Variants in FLG observed in about 807,000 individuals in gnomAD.
FLG encodes epidermal filaggrin.
Under a neutral mutation model 3.8 loss-of-function variants are expected in FLG, and 6 were observed. That is an observed-to-expected ratio of 1.60 (90% confidence interval 0.87 to 3.15). The LOEUF (loss-of-function observed/expected upper bound fraction) is 3.15. Ranked by LOEUF, FLG falls within the 30% of genes most tolerant of loss-of-function variation. FLG has a pLI of 0.00. For synonymous variants in FLG, 2,551 were observed against 1,931.6 expected (o/e 1.32, Z -8.41); for missense variants, 7,595 against 5,050.9 (o/e 1.50, Z -15.27).
chr1:152,308,021 T>C lies in FLG; in HGVS notation c.6865A>G (p.Arg2289Gly). The C allele has an allele frequency of 3.7e-6, 6 of 1,614,228 alleles. No individual in the cohort carries two copies. Among genetic ancestry groups the C allele is most frequent in the Non-Finnish European group, 5.1e-6 (6 of 1,180,030 alleles). The change falls in exon 3 of 3, where the codon AGA becomes GGA. Residue 2289 changes from arginine (R) to glycine (G), a missense_variant. Arg to Gly is a moderately radical substitution (Grantham distance 125). Coordinates refer to ENST00000368799, the MANE Select transcript of FLG (RefSeq NM_002016.2). Reference protein sequence around the residue: ...SRHPRSHHEDRAGHGHSAESS... With the variant: ...SRHPRSHHEDGAGHGHSAESS... Reference sequence around the variant, plus strand: ...TCTGCAGAGTGCCCATGACCGGCTCTGTCTTCGTGATGGGACCTGGGGTGT... The same window carrying C: ...TCTGCAGAGTGCCCATGACCGGCTCCGTCTTCGTGATGGGACCTGGGGTGT...
At chr1:152,314,962 G>A (rs529787677) in intron 2 of FLG, 2 of 559,668 alleles carry the variant, frequency 3.6e-6, no homozygotes, top group Non-Finnish European at 6.2e-6. Flanking sequence ...GATGGGGTAA[G>A]TGACTCTTTT....
At chr1:152,316,414 T>A (rs2101655116) in intron 1 of FLG, among the ~76,000 whole-genome samples, 1 of 151,300 alleles carries the variant, frequency 6.6e-6, no homozygotes, top group African/African-American at 2.4e-5. Flanking sequence ...CTTTAATAAT[T>A]CAACAGAAGC....
chr1:152,312,221 A>T lies in FLG; in HGVS notation c.2665T>A (p.Ser889Thr). 6.2e-7 allele frequency: 1 copy of T among 1,612,852 alleles called. No homozygotes were observed. Among genetic ancestry groups the T allele is most frequent in the Non-Finnish European group, 8.5e-7 (1 of 1,179,772 alleles). ...CGTGTTGTTCTGCTTGCACTTCTGGATCCTGACTGCCCACGGGAGGCATCA... is the reference window on the plus strand; with the variant it reads ...CGTGTTGTTCTGCTTGCACTTCTGGTTCCTGACTGCCCACGGGAGGCATCA... ...RSDASRGQSG[S>T]RSASRTTRNE... Residue 889 changes from serine to threonine, a missense_variant, in exon 3 of 3, where the codon TCC (serine) becomes ACC (threonine). By Grantham distance (58) the Ser-to-Thr change is moderately conservative. Coordinates refer to ENST00000368799, the MANE Select transcript of FLG (RefSeq NM_002016.2).
rs748562944 is a variant in FLG, at chr1:152,312,156, C to G, written c.2730G>C (p.Gly910=). The G allele has an allele frequency of 6.2e-7, 1 of 1,613,850 alleles. No homozygotes were observed. The highest frequency in any genetic ancestry group is 1.7e-5 in the Admixed American group (1 of 60,006). Residue 910 remains glycine (G), a synonymous_variant, in exon 3 of 3, where the codon GGG becomes GGC. Transcript: ENST00000368799. ...EQSRDGSRHS[G]SRHHEASSHA... ...GAGAGGAAGCTTCATGGTGACGTGA[C>G]CCTGAGTGCCTGGAGCCGTCTCTTG... is the stretch of plus-strand genomic sequence containing the variant.
chr1:152,302,842 C>T lies in FLG; in HGVS notation c.12044G>A (p.Cys4015Tyr), dbSNP rs766276866. 1.1e-5 allele frequency: 18 copies of T among 1,614,074 alleles called. No individual in the cohort carries two copies. In the South Asian group the frequency reaches 2.0e-4, roughly 18 times the overall value. The change falls in exon 3 of 3, where the codon TGT (cysteine) becomes TAT (tyrosine). Residue 4015 changes from cysteine (C) to tyrosine (Y), a missense_variant. By Grantham distance (194) the Cys-to-Tyr change is radical (BLOSUM62 -2). Transcript: ENST00000368799. ...PVVFKERSDI[C>Y]KASAFGKDHP... Reference sequence around the variant, plus strand: ...ATCTTTACCAAACGCACTTGCTTTACAGATATCAGATCTTTCCTTGAAAAC... The same window carrying T: ...ATCTTTACCAAACGCACTTGCTTTATAGATATCAGATCTTTCCTTGAAAAC...
chr1:152,312,379 T>C lies in FLG; in HGVS notation c.2507A>G (p.Asp836Gly), dbSNP rs769461281. 1.2e-6 allele frequency: 2 copies of C among 1,612,392 alleles called. No homozygotes were observed. The highest frequency in any genetic ancestry group is 2.2e-5 in the South Asian group (2 of 90,958). ...GTGTCCACGAATGGTGTCCTGACCA[T>C]CTTGGGATGCTGAGTGCCTGGAGTT... is the stretch of plus-strand genomic sequence containing the variant. ...RDNSRHSASQ[D>G]GQDTIRGHPG... is the part of the protein sequence containing the mutation. Residue 836 changes from aspartate to glycine, a missense_variant, in exon 3 of 3, where the codon GAT becomes GGT. By Grantham distance (94) the Asp-to-Gly change is moderately conservative. Transcript: ENST00000368799.
At position 152,314,101 on chromosome 1, in the gene FLG, G is replaced by T. The variant is rs1652669311; in HGVS notation, c.785C>A (p.Ser262Ter). The change falls in exon 3 of 3, where the codon TCA becomes TAA. Residue 262 changes from serine to a stop codon, truncating the protein, a stop_gained. Coordinates refer to ENST00000368799, the MANE Select transcript of FLG (RefSeq NM_002016.2). LOFTEE classifies it low-confidence loss of function (END_TRUNC). ...EENKIYERSR[S>*]SDGKSSSQVN... ...TTGAGATGATGATTTGCCATCAGAT[G>T]ACCTTGATCTTTCATATATTTTGTT... The T allele has an allele frequency of 6.2e-7, 1 of 1,614,088 alleles. No individual in the cohort carries two copies. Among genetic ancestry groups the T allele is most frequent in the African/African-American group, 1.3e-5 (1 of 75,042 alleles).
Position 152,315,276 on chromosome 1 carries a change from GAAA to G in FLG, c.138+40_138+42del, listed in dbSNP as rs112911800. The G allele has an allele frequency of 0.011, 16,861 of 1,599,698 alleles. 1,483 individuals are homozygous for G. In the African/African-American group the frequency reaches 0.2, roughly 19 times the overall value. ...TAACCCTTGCTTAGATTATTGATGA[GAAA>G]AACAAATGCTCTATCTTTGGTCTTG... On this transcript the variant is annotated intron_variant, in intron 2 of 2. Transcript: ENST00000368799.
In FLG at chr1:152,310,801, T is replaced by C. The variant is rs1320603582; in HGVS notation, c.4085A>G (p.Gln1362Arg). 1.2e-6 allele frequency: 2 copies of C among 1,611,920 alleles called. No individual in the cohort carries two copies. The highest frequency in any genetic ancestry group is 1.7e-6 in the Non-Finnish European group (2 of 1,179,112). The change falls in exon 3 of 3, where the codon CAG (glutamine) becomes CGG (arginine). Residue 1362 changes from glutamine (Q) to arginine (R), a missense_variant. Coordinates refer to ENST00000368799, the MANE Select transcript of FLG (RefSeq NM_002016.2). ...SPGERHGSRH[Q>R]QSADSSRHSG... ...GTGTCTGGAGCTGTCTGCTGACTGC[T>C]GGTGGCGGGATCCATGTCTTTCTCC...
intron 1 of FLG, among the ~76,000 whole-genome samples, chr1:152,319,468 G>A (rs1652886440): frequency 6.6e-6 from 1 of 151,160 alleles, no homozygotes; most frequent in East Asian, 1.9e-4. Context: ...AGATATCAAG[G>A]TACAGGTTCA....
At chr1:152,316,043 G>A in intron 1 of FLG, among the ~76,000 whole-genome samples, 1 of 152,186 alleles carries the variant, frequency 6.6e-6, no homozygotes, top group East Asian at 1.9e-4. Flanking sequence ...AAAGAGAAAG[G>A]TTTTTCTGAC....
Position 152,304,072 on chromosome 1 carries a change from T to G in FLG, c.10814A>C (p.Asn3605Thr), listed in dbSNP as rs77674897. The G allele has an allele frequency of 2.3e-4, 365 of 1,612,140 alleles. No homozygotes were observed. Among genetic ancestry groups the G allele is most frequent in the Non-Finnish European group, 2.9e-4 (340 of 1,179,672 alleles). Residue 3605 changes from asparagine to threonine, a missense_variant, in exon 3 of 3, where the codon AAT becomes ACT. Asn to Thr is a moderately conservative substitution (Grantham distance 65, BLOSUM62 0). Transcript: ENST00000368799. The part of the protein sequence containing the change: ...SRQSGTHHAE[N>T]SSGGQAASSH... ...TGATGCAGCCTGTCCACCAGAGGAA[T>G]TCTCTGCATGATGAGTGCCTGATTG...
At position 152,305,649 on chromosome 1, in the gene FLG, C is replaced by T. The variant is rs767263644; in HGVS notation, c.9237G>A (p.Thr3079=). The part of the protein sequence containing the change: ...HEQSESSHGW[T]GPSTRGRQGS... ...CTTGTCTTCCTCTAGTGCTGGGCCC[C>T]GTCCATCCATGGGAGGACTCAGACT... Residue 3079 remains threonine, a synonymous_variant, in exon 3 of 3, where the codon ACG becomes ACA. Coordinates refer to ENST00000368799, the MANE Select transcript of FLG (RefSeq NM_002016.2). The T allele has an allele frequency of 2.4e-5, 35 of 1,442,740 alleles. 3 individuals are homozygous for T. The highest frequency in any genetic ancestry group is 2.3e-4 in the South Asian group (18 of 77,590). The allele number at this position is 1,442,740 out of a possible 1,614,324, so 89.4% of individuals were successfully genotyped here.
intron 1 of FLG, among the ~76,000 whole-genome samples, chr1:152,322,092 A>ATT (rs1557885526): frequency 2.0e-5 from 3 of 151,254 alleles, no homozygotes; most frequent in African/African-American, 7.2e-5. Context: ...ATTAATTCTG[A>ATT]TTAATAAATA....
rs199804319 is a variant in FLG, at chr1:152,303,591, C to A, written c.11295G>T (p.Arg3765Ser). ...QDTIRGHPGS[R>S]RGGRQGSYHE... Reference sequence around the variant, plus strand: ...GGTAGGATCCCTGTCTTCCTCCTCTCCTTGACCCCGGGTGTCCACGAATGG... The same window carrying A: ...GGTAGGATCCCTGTCTTCCTCCTCTACTTGACCCCGGGTGTCCACGAATGG... Residue 3765 changes from arginine to serine, a missense_variant, in exon 3 of 3, where the codon AGG (arginine) becomes AGT (serine). Transcript: ENST00000368799. 2 of 1,613,744 alleles carry A rather than the reference C, an allele frequency of 1.2e-6. No homozygotes were observed. The highest frequency in any genetic ancestry group is 1.7e-6 in the Non-Finnish European group (2 of 1,179,936).
In FLG at chr1:152,307,377, G is replaced by A. The variant is rs1246178357; in HGVS notation, c.7509C>T (p.Ala2503=). The A allele has an allele frequency of 1.2e-6, 2 of 1,613,220 alleles. No homozygotes were observed. The highest frequency in any genetic ancestry group is 8.5e-7 in the Non-Finnish European group (1 of 1,179,708). ...SHTTSQGRSD[A]SHGHSGSRSA... is the part of the protein sequence containing the mutation. ...TTCTGGATCCTGAGTGCCCATGGGA[G>A]GCATCAGACCTTCCCTGGGATGTGG... The change falls in exon 3 of 3, where the codon GCC becomes GCT. Residue 2503 remains alanine, a synonymous_variant. Coordinates refer to ENST00000368799, the MANE Select transcript of FLG (RefSeq NM_002016.2).
In FLG at chr1:152,311,234, T is replaced by C; in HGVS notation, c.3652A>G (p.Arg1218Gly). 32 of 1,613,906 alleles carry C rather than the reference T, an allele frequency of 2.0e-5. No individual in the cohort carries two copies. Among genetic ancestry groups the C allele is most frequent in the Non-Finnish European group, 2.5e-5 (30 of 1,179,970 alleles). ...HGQSGSRSAS[R>G]QTRKDKQSGD... ...GATTGTTTGTCCTTACGAGTTTGTC[T>C]GCTTGCACTTCTGGATCCTGACTGC... The change falls in exon 3 of 3, where the codon AGA becomes GGA. Residue 1218 changes from arginine (R) to glycine (G), a missense_variant. Arg to Gly is a moderately radical substitution (Grantham distance 125). Coordinates refer to ENST00000368799, the MANE Select transcript of FLG (RefSeq NM_002016.2).
rs114038120 is a variant in FLG at position 152,302,291 on chromosome 1, G to A, written c.*409C>T. Reference sequence around the variant, plus strand: ...AAGGATAATAGAGAAAGATGTGCTAGCCCTGATGTTGATATAGCCACTTTG... The same window carrying A: ...AAGGATAATAGAGAAAGATGTGCTAACCCTGATGTTGATATAGCCACTTTG... On this transcript the variant is annotated 3_prime_UTR_variant, in exon 3 of 3. Coordinates refer to ENST00000368799, the MANE Select transcript of FLG (RefSeq NM_002016.2). 270 of 210,022 alleles carry A rather than the reference G, an allele frequency of 1.3e-3. No individual in the cohort carries two copies. Among genetic ancestry groups the A allele is most frequent in the South Asian group, 2.2e-3 (28 of 12,542 alleles). The allele number at this position is 210,022 out of a possible 1,614,324, so 13.0% of individuals were successfully genotyped here. A position where few individuals can be genotyped will look rare whatever the true frequency, so the allele number is the denominator to read the frequency against.
rs761659938 is a variant in FLG at position 152,305,234 on chromosome 1, C to T, written c.9652G>A (p.Asp3218Asn). The T allele has an allele frequency of 1.9e-6, 3 of 1,613,254 alleles. No homozygotes were observed. Among genetic ancestry groups the T allele is most frequent in the South Asian group, 2.2e-5 (2 of 90,952 alleles). The change falls in exon 3 of 3, where the codon GAC becomes AAC. Residue 3218 changes from aspartate to asparagine, a missense_variant. Physicochemically the swap from Asp to Asn is conservative, Grantham distance 23. Transcript: ENST00000368799. ...SRRQGSSVSQ[D>N]SDSEGHSEDS... ...TCTGAATGTCCCTCACTGTCACTGTCCTGGCTCACACTGGATCCCTGGCGC... is the reference window on the plus strand; with the variant it reads ...TCTGAATGTCCCTCACTGTCACTGTTCTGGCTCACACTGGATCCCTGGCGC...
Sources: allele counts gnomAD v4.1 joint callset (sites outside exome capture counted in the v4.1 genomes callset), GRCh38; gene constraint gnomAD v4.1.1; transcripts MANE v1.5; gene names NCBI Gene and HGNC (gene_info 2026-07-23, HGNC 2026-07-21).